Variants in PDE1A observed in about 807,000 individuals in gnomAD.
PDE1A encodes the protein dual specificity calcium/calmodulin-dependent 3',5'-cyclic nucleotide phosphodiesterase 1A.
Under a neutral mutation model 61.7 loss-of-function variants are expected in PDE1A, and 35 were observed. That is an observed-to-expected ratio of 0.57 (90% CI 0.43 to 0.75). The LOEUF is 0.75. Among genes scored for constraint, PDE1A ranks in the 30% least tolerant of loss-of-function variants. The pLI is 0.00. For missense variants in PDE1A, 597 were observed against 630.6 expected (o/e 0.95, Z 0.57); for synonymous variants, 232 against 213.2 (o/e 1.09, Z -0.77).
the PDE1A span, among the ~76,000 whole-genome samples, chr2:182,644,243 C>G: frequency 7.6e-6 from 1 of 131,098 alleles, no homozygotes; most frequent in Admixed American, 8.4e-5. Context: ...CCGATGTCTC[C>G]AGGTCAGAGT....
chr2:182,141,880 T>C (rs1412561483), exon 15 of PDE1A: 1 of 152,238 alleles, frequency 6.6e-6, no homozygotes. Context: ...ATTGCAATGC[T>C]TGTACAGTGA....
rs192491731 is a variant in PDE1A at position 182,209,549 on chromosome 2, G to A, written c.777-3484C>T. Among the ~76,000 whole-genome samples, 429 of 151,168 alleles carry A rather than the reference G, an allele frequency of 2.8e-3. 2 individuals are homozygous for A. Among genetic ancestry groups the A allele is most frequent in the African/African-American group, 9.6e-3 (395 of 41,270 alleles). ...GATATGGTTTGGATCTGTGTCCCCC[G>A]CCCAAATCTCATATTGAATTGTAAT... is the stretch of plus-strand genomic sequence containing the variant. On this transcript the variant is annotated intron_variant, in intron 7 of 13. Coordinates refer to ENST00000351439, the Ensembl canonical transcript of PDE1A.
At chr2:182,627,142 A>AATAAT in the PDE1A span, among the ~76,000 whole-genome samples, 7 of 28,648 alleles carry the variant, frequency 2.4e-4, no homozygotes, top group Non-Finnish European at 3.5e-4. Context: ...ATAAAATATA[A>AATAAT]ATATTATTTA....
chr2:182,490,882 A>G (rs2368297), intron 2 of PDE1A, among the ~76,000 whole-genome samples: 62,397 of 151,928 alleles, frequency 0.41, 13,291 homozygotes, highest in African/African-American at 0.51. Flanking sequence ...AATAATGCAA[A>G]GTGTAGGAAG....
At chr2:182,495,209 T>C (rs1288373874) in intron 2 of PDE1A, among the ~76,000 whole-genome samples, 2 of 152,204 alleles carry the variant, frequency 1.3e-5, no homozygotes, top group Admixed American at 1.3e-4. Context: ...AGTCACAGTC[T>C]CTTGGCTTTA....
upstream of PDE1A, among the ~76,000 whole-genome samples, chr2:182,431,790 C>G (rs188535519): frequency 1.6e-4 from 25 of 152,188 alleles, no homozygotes; most frequent in East Asian, 4.3e-3. Flanking sequence ...TCTGGGGTCA[C>G]TCAGGATCTT....
intron 1 of PDE1A, among the ~76,000 whole-genome samples, chr2:182,420,991 G>C (rs1420920189): frequency 6.6e-6 from 1 of 152,092 alleles, no homozygotes; most frequent in Non-Finnish European, 1.5e-5. Context: ...GAACTGAGAA[G>C]ACTAGGTTCA....
At chr2:182,186,626 C>T in intron 11 of PDE1A, 38 bp from the exon 12 acceptor site, 2 of 1,559,056 alleles carry the variant, frequency 1.3e-6, no homozygotes, top group African/African-American at 1.4e-5. Context: ...GAGATAAATT[C>T]AAGTGTTACA....
downstream of PDE1A, among the ~76,000 whole-genome samples, chr2:182,144,472 T>C (rs1690389917): frequency 6.6e-6 from 1 of 152,172 alleles, no homozygotes. Flanking sequence ...TATACAACAA[T>C]GTGAAAAGTA....
chr2:182,230,417 G>A (rs945589984), intron 5 of PDE1A, among the ~76,000 whole-genome samples: 1 of 152,132 alleles, frequency 6.6e-6, no homozygotes, highest in Non-Finnish European at 1.5e-5. Flanking sequence ...CTTCCGGAGA[G>A]TAGGAAGGCT....
the PDE1A span, among the ~76,000 whole-genome samples, chr2:182,592,888 A>T: frequency 6.6e-6 from 1 of 152,168 alleles, no homozygotes; most frequent in Admixed American, 6.6e-5. Context: ...TGAATCTGCT[A>T]ATCCACCCAG....
chr2:182,149,563 T>G (rs147854094), intron 13 of PDE1A, among the ~76,000 whole-genome samples: 15 of 152,324 alleles, frequency 9.8e-5, no homozygotes, highest in Non-Finnish European at 1.9e-4. Flanking sequence ...GACAGCCAGA[T>G]AGCAGAGTCC....
chr2:182,352,430 T>C (rs1016079284), intron 1 of PDE1A, among the ~76,000 whole-genome samples: 3 of 152,178 alleles, frequency 2.0e-5, no homozygotes, highest in Admixed American at 6.5e-5. Context: ...CCATGATGCC[T>C]TAAAAGGCTA....
At chr2:182,679,437 G>A in the PDE1A span, among the ~76,000 whole-genome samples, 5 of 149,524 alleles carry the variant, frequency 3.3e-5, no homozygotes. Flanking sequence ...CTAACCTCAG[G>A]TGATCCACGC....
rs568159870 is a variant in PDE1A at position 182,483,362 on chromosome 2, G to A, written c.101+38914C>T. On this transcript the variant is annotated intron_variant, in intron 2 of 14. Coordinates refer to the PDE1A transcript ENST00000410103. ...CAGAGAGCACTCCACCCAACAAAGC[G>A]AAATACACATTATTTTCAAATGCAC... Among the ~76,000 whole-genome samples, 6 of 151,926 alleles carry A rather than the reference G, an allele frequency of 3.9e-5. No homozygotes were observed. The South Asian group carries it at 1.0e-3, about 26-fold the overall frequency.
chr2:182,369,661 A>G lies in PDE1A; in HGVS notation c.53+56917T>C, dbSNP rs74317892. 1.3e-3 allele frequency among the ~76,000 whole-genome samples: 197 copies of G among 152,244 alleles called. 6 individuals carry two copies. In the East Asian group the frequency reaches 0.034, roughly 26 times the overall value. ...TAAGTCAAGGAAGATGAGAAGAAAAAGAGACTCAGAAAAAAAAAAATGGCC... is the reference window on the plus strand; with the variant it reads ...TAAGTCAAGGAAGATGAGAAGAAAAGGAGACTCAGAAAAAAAAAAATGGCC... On this transcript the variant is annotated intron_variant, in intron 1 of 13. Transcript: ENST00000351439.
the PDE1A span, among the ~76,000 whole-genome samples, chr2:182,580,886 C>G: frequency 1.3e-5 from 2 of 152,066 alleles, no homozygotes; most frequent in East Asian, 3.9e-4. Context: ...CCCCATTATT[C>G]CACATAAATT....
the PDE1A span, among the ~76,000 whole-genome samples, chr2:182,644,412 A>G: frequency 6.6e-6 from 1 of 151,838 alleles, no homozygotes; most frequent in East Asian, 2.0e-4. Flanking sequence ...AAAATAGTTA[A>G]GTTCAAACAT....
At chr2:182,441,491 G>T (rs1684791917) in intron 2 of PDE1A, among the ~76,000 whole-genome samples, 1 of 152,024 alleles carries the variant, frequency 6.6e-6, no homozygotes, top group Non-Finnish European at 1.5e-5. Flanking sequence ...TTGGCTAGAA[G>T]TTAGAGGTAC....
Sources: allele counts gnomAD v4.1 joint callset (sites outside exome capture counted in the v4.1 genomes callset), GRCh38; gene constraint gnomAD v4.1.1; transcripts MANE v1.5; gene names NCBI Gene and HGNC (gene_info 2026-07-23, HGNC 2026-07-21).